The following USH2A variants were observed in gnomAD, a reference collection of about 807,000 sequenced individuals.
The protein encoded by USH2A is Usher syndrome 2A (autosomal recessive, mild).
Under a neutral mutation model 538.9 loss-of-function variants are expected in USH2A, and 443 were observed. The observed-to-expected ratio is 0.82, with a 90% CI of 0.76 to 0.89. USH2A has a LOEUF of 0.89. Among genes scored for constraint, USH2A ranks in the 40% least tolerant of loss-of-function variants. The pLI is 0.00. For missense variants in USH2A, 6,633 were observed against 6,324.8 expected, an observed-to-expected ratio of 1.05 and a Z score of -1.65; for synonymous variants, 2,413 against 2,273.5, an observed-to-expected ratio of 1.06 and a Z score of -1.75.
intron 20 of USH2A, among the ~76,000 whole-genome samples, chr1:216,178,652 A>T (rs1471885383): frequency 6.6e-6 from 1 of 152,034 alleles, no homozygotes; most frequent in Non-Finnish European, 1.5e-5. Flanking sequence ...TAGTTTCATA[A>T]ACTACTAACC....
intron 47 of USH2A, among the ~76,000 whole-genome samples, chr1:215,833,190 T>C (rs958449763): frequency 6.6e-6 from 1 of 151,954 alleles, no homozygotes; most frequent in Admixed American, 6.6e-5. Context: ...TTTGTAGATA[T>C]CAATGACCTG....
rs1187935502 is a variant in USH2A, at chr1:215,625,405, C to T, written c.*376G>A. On this transcript the variant is annotated 3_prime_UTR_variant, in exon 72 of 72. Coordinates refer to ENST00000307340, the MANE Select transcript of USH2A (RefSeq NM_206933.4). ...AGCAGTGACATCCTTTCAACAGAAT[C>T]ATTTTTGAGCCAGTAACTAACTTAC... The T allele has an allele frequency of 3.3e-6, 1 of 300,056 alleles. No individual in the cohort carries two copies. Among genetic ancestry groups the T allele is most frequent in the African/African-American group, 2.2e-5 (1 of 45,778 alleles). The allele number at this position is 300,056 out of a possible 1,614,324, so 18.6% of individuals were successfully genotyped here.
At chr1:216,175,912 G>A (rs1347983897) in intron 20 of USH2A, among the ~76,000 whole-genome samples, 2 of 152,048 alleles carry the variant, frequency 1.3e-5, no homozygotes, top group Non-Finnish European at 2.9e-5. Flanking sequence ...TCCCTTGGCT[G>A]AGTAAGAGCT....
At chr1:216,214,969 C>A (rs189736481) in intron 15 of USH2A, among the ~76,000 whole-genome samples, 1 of 151,892 alleles carries the variant, frequency 6.6e-6, no homozygotes, top group Non-Finnish European at 1.5e-5. Context: ...TATGTTAATT[C>A]TTGTTTTGCT....
chr1:216,095,757 A>G lies in USH2A; in HGVS notation c.4758+1326T>C, dbSNP rs188491650. ...CTTTGGCCTGCTTTTTGAGTCTGGC[A>G]GGGTCCTCAGATACACTTGGTACAA... On this transcript the variant is annotated intron_variant, in intron 22 of 71. Coordinates refer to ENST00000307340, the MANE Select transcript of USH2A (RefSeq NM_206933.4). Among the ~76,000 whole-genome samples, 6 of 152,226 alleles carry G rather than the reference A, an allele frequency of 3.9e-5. No individual in the cohort carries two copies. In the South Asian group the frequency reaches 6.2e-4, roughly 16 times the overall value.
intron 18 of USH2A, among the ~76,000 whole-genome samples, chr1:216,197,261 A>G (rs567965153): frequency 1.3e-4 from 20 of 152,260 alleles, no homozygotes; most frequent in African/African-American, 4.8e-4. Flanking sequence ...TTACATACAC[A>G]TGCATTTCCC....
chr1:215,892,150 C>T (rs983500359), intron 40 of USH2A, among the ~76,000 whole-genome samples: 1 of 151,978 alleles, frequency 6.6e-6, no homozygotes, highest in South Asian at 2.1e-4. Flanking sequence ...TGCGCACACA[C>T]TTGTTTGTAT....
chr1:215,743,298 G>A lies in USH2A; in HGVS notation c.11427C>T (p.Val3809=). 1.2e-6 allele frequency: 2 copies of A among 1,608,194 alleles called. No homozygotes were observed. Among genetic ancestry groups the A allele is most frequent in the Non-Finnish European group, 1.7e-6 (2 of 1,177,950 alleles). Residue 3809 remains valine (V), a synonymous_variant, in exon 59 of 72, where the codon GTC becomes GTT. Transcript: ENST00000307340. ...LIPEIPVEYN[V]LLNDGSVTPL... is the part of the protein sequence containing the mutation. ...GTGTTACACTTCCATCATTGAGTAAGACATTGTACTCCACAGGAATTTCGG... is the reference window on the plus strand; with the variant it reads ...GTGTTACACTTCCATCATTGAGTAAAACATTGTACTCCACAGGAATTTCGG...
At chr1:216,010,516 T>C (rs1028400893) in intron 32 of USH2A, among the ~76,000 whole-genome samples, 4 of 151,846 alleles carry the variant, frequency 2.6e-5, no homozygotes, top group Admixed American at 2.6e-4. Context: ...CCATCACGGA[T>C]GCCGAGCTTT....
In USH2A at chr1:216,179,183, A is replaced by G. The variant is rs12755474; in HGVS notation, c.4397-3701T>C. 8.0e-3 allele frequency among the ~76,000 whole-genome samples: 1,216 copies of G among 152,238 alleles called. 13 individuals are homozygous for G. The highest frequency in any genetic ancestry group is 0.013 in the Non-Finnish European group (867 of 67,990). On this transcript the variant is annotated intron_variant, in intron 20 of 71. Transcript: ENST00000307340. ...AATTCCTTCCCCCATCAGTAGCATAATCCAAAAATTACGTCTTAAACAGGA... is the reference window on the plus strand; with the variant it reads ...AATTCCTTCCCCCATCAGTAGCATAGTCCAAAAATTACGTCTTAAACAGGA...
intron 43 of USH2A, among the ~76,000 whole-genome samples, chr1:215,872,397 C>T (rs1664646481): frequency 6.6e-6 from 1 of 152,100 alleles, no homozygotes; most frequent in East Asian, 1.9e-4. Flanking sequence ...TAATATGAGA[C>T]ATTTTAGATT....
intron 47 of USH2A, among the ~76,000 whole-genome samples, chr1:215,832,618 C>T (rs888389468): frequency 6.6e-6 from 1 of 151,874 alleles, no homozygotes; most frequent in Non-Finnish European, 1.5e-5. Context: ...TGATAAAAGG[C>T]ATGGCCAAAA....
chr1:216,323,298 AT>A (rs2037654847), intron 8 of USH2A, among the ~76,000 whole-genome samples, 175 bp downstream of exon 8: 4 of 146,804 alleles, frequency 2.7e-5, no homozygotes, highest in Middle Eastern at 7.1e-3. Context: ...ATATATATAT[AT>A]ATAACAATGT....
chr1:216,014,825 A>C (rs1207718281), intron 32 of USH2A, among the ~76,000 whole-genome samples: 3 of 152,218 alleles, frequency 2.0e-5, no homozygotes, highest in Non-Finnish European at 2.9e-5. Context: ...GCCATGAATT[A>C]TGTGCTATTT....
At chr1:216,274,845 T>C (rs2036641230) in intron 11 of USH2A, among the ~76,000 whole-genome samples, 1 of 152,124 alleles carries the variant, frequency 6.6e-6, no homozygotes, top group Non-Finnish European at 1.5e-5. Flanking sequence ...ATAGCTCCTC[T>C]TCCCCTCCAA....
intron 36 of USH2A, among the ~76,000 whole-genome samples, chr1:215,970,023 G>T (rs1296588657): frequency 3.3e-5 from 5 of 152,092 alleles, no homozygotes; most frequent in Non-Finnish European, 7.4e-5. Context: ...ATTAGGAATA[G>T]AAAACATAAT....
chr1:216,371,516 T>C (rs150596838), intron 3 of USH2A, among the ~76,000 whole-genome samples: 7 of 152,310 alleles, frequency 4.6e-5, no homozygotes, highest in East Asian at 3.9e-4. Context: ...ATACTGTCTT[T>C]TTTTTCCTGC....
intron 38 of USH2A, among the ~76,000 whole-genome samples, chr1:215,911,232 T>C (rs1665772630): frequency 6.6e-6 from 1 of 151,946 alleles, no homozygotes; most frequent in African/African-American, 2.4e-5. Context: ...TTAAGTTATT[T>C]AAAAATATAC....
chr1:216,283,309 C>A (rs890722812), intron 11 of USH2A, among the ~76,000 whole-genome samples: 9 of 152,158 alleles, frequency 5.9e-5, no homozygotes, highest in African/African-American at 1.9e-4. Context: ...CCAGGATGGT[C>A]TCCATCTGCT....
Sources: allele counts gnomAD v4.1 joint callset (sites outside exome capture counted in the v4.1 genomes callset), GRCh38; gene constraint gnomAD v4.1.1; transcripts MANE v1.5; gene names NCBI Gene and HGNC (gene_info 2026-07-23, HGNC 2026-07-21).